The following DPP4 variants were observed in gnomAD, a reference collection of about 807,000 sequenced individuals.
The protein encoded by DPP4 is ADCP-2.
In DPP4, 93 loss-of-function variants were observed where a neutral mutation model predicts 122.4. The observed-to-expected ratio is 0.76, with a 90% CI of 0.64 to 0.90. The LOEUF is 0.90. Among genes scored for constraint, DPP4 ranks in the 40% least tolerant of loss-of-function variants. DPP4 has a pLI of 0.00. For missense variants in DPP4, 914 were observed against 907.3 expected (o/e 1.01, Z -0.09); for synonymous variants, 321 against 302.9 (o/e 1.06, Z -0.62).
At chr2:162,012,155 A>G (rs1031191656) in intron 19 of DPP4, among the ~76,000 whole-genome samples, 168 bp from the exon 20 acceptor site, 9 of 152,104 alleles carry the variant, frequency 5.9e-5, no homozygotes, top group Admixed American at 5.2e-4. Flanking sequence ...TAGCAACACA[A>G]CTACCATGGT....
intron 10 of DPP4, 98 bp from the exon 11 acceptor site, chr2:162,025,037 CAATCTT>C: frequency 7.5e-7 from 1 of 1,328,434 alleles, no homozygotes; most frequent in South Asian, 1.5e-5. Context: ...GAAAAGAAAT[CAATCTT>C]AATGGGAAGT....
intron 23 of DPP4, among the ~76,000 whole-genome samples, chr2:162,002,841 G>A (rs921470561): frequency 1.3e-5 from 2 of 151,982 alleles, no homozygotes; most frequent in African/African-American, 4.8e-5. Context: ...AACAAAGGAG[G>A]GCAGCTTTAT....
chr2:162,014,012 AAC>A (rs1200247825), intron 19 of DPP4, among the ~76,000 whole-genome samples: 5 of 152,168 alleles, frequency 3.3e-5, no homozygotes. Flanking sequence ...AAGGAAGAGA[AAC>A]ATGAGGCAGC....
chr2:162,052,445 T>C (rs1487386258), intron 2 of DPP4, among the ~76,000 whole-genome samples: 1 of 150,418 alleles, frequency 6.6e-6, no homozygotes, highest in Non-Finnish European at 1.5e-5. Flanking sequence ...TTCGATGGGG[T>C]GGGGCCTCAC....
intron 5 of DPP4, among the ~76,000 whole-genome samples, chr2:162,044,267 T>C (rs1156738121): frequency 6.6e-6 from 1 of 152,160 alleles, no homozygotes; most frequent in East Asian, 1.9e-4. Context: ...TAACAGAACA[T>C]AGAGTCTTCA....
intron 3 of DPP4, 130 bp downstream of exon 3, chr2:162,047,273 G>GAA: frequency 4.7e-5 from 22 of 469,984 alleles, no homozygotes; most frequent in Middle Eastern, 3.3e-4. Flanking sequence ...AGTAGAAAAA[G>GAA]AAAAAAAAAA....
At chr2:162,047,372 T>C in intron 3 of DPP4, 31 bp downstream of exon 3, 1 of 1,342,772 alleles carries the variant, frequency 7.4e-7, no homozygotes, top group Non-Finnish European at 1.0e-6. Flanking sequence ...AATGTAAGCA[T>C]AAAATCTGCC....
chr2:162,068,123 A>G (rs1380406550), intron 2 of DPP4, among the ~76,000 whole-genome samples: 1 of 152,232 alleles, frequency 6.6e-6, no homozygotes, highest in Non-Finnish European at 1.5e-5. Flanking sequence ...TACTACTAAT[A>G]CTAAAAATCG....
At chr2:162,033,730 CA>C (rs1353983744) in intron 9 of DPP4, 77 bp from the exon 10 acceptor site, 2 of 912,238 alleles carry the variant, frequency 2.2e-6, no homozygotes, top group African/African-American at 1.7e-5. Context: ...TAAAACTGCA[CA>C]AAAACGTCTG....
chr2:162,065,106 G>A (rs1018241147), intron 2 of DPP4, among the ~76,000 whole-genome samples: 1 of 152,234 alleles, frequency 6.6e-6, no homozygotes, highest in Non-Finnish European at 1.5e-5. Context: ...ACCTGAGAAA[G>A]GTGAGTCTTG....
intron 22 of DPP4, among the ~76,000 whole-genome samples, chr2:162,006,764 A>C (rs979988060): frequency 3.7e-4 from 56 of 152,158 alleles, no homozygotes; most frequent in African/African-American, 1.2e-3. Flanking sequence ...AACTTTAAAA[A>C]TCTGACATAA....
intron 2 of DPP4, among the ~76,000 whole-genome samples, chr2:162,052,819 T>A (rs570652578): frequency 1.3e-5 from 2 of 152,306 alleles, no homozygotes; most frequent in Admixed American, 1.3e-4. Context: ...GTGATCAGAA[T>A]GCTGGTAGAA....
In DPP4 at chr2:162,033,653, C is replaced by T. The variant is rs771762337; in HGVS notation, c.775G>A (p.Ala259Thr). ...PKTVRVPYPK[A>T]GAVNPTVKFF... ...TTTACAGTTGGATTCACAGCTCCTG[C>T]CTAGGAAAAAATAATCACAGAATTG... The change falls in exon 10 of 26, where the codon GCA (alanine) becomes ACA (threonine). Residue 259 changes from alanine to threonine, a missense_variant and splice_region_variant. Physicochemically the swap from Ala to Thr is moderately conservative, Grantham distance 58. Transcript: ENST00000360534. The T allele has an allele frequency of 2.6e-5, 42 of 1,597,000 alleles. No individual in the cohort carries two copies. The highest frequency in any genetic ancestry group is 3.5e-5 in the Non-Finnish European group (41 of 1,173,128).
At chr2:162,009,213 C>A (rs766942888) in intron 21 of DPP4, 28 bp downstream of exon 21, 1 of 1,607,234 alleles carries the variant, frequency 6.2e-7, no homozygotes, top group South Asian at 1.1e-5. Flanking sequence ...CTAACGAATG[C>A]ATACAGATTC....
At chr2:162,050,769 A>C (rs899172984) in intron 2 of DPP4, among the ~76,000 whole-genome samples, 5 of 152,326 alleles carry the variant, frequency 3.3e-5, no homozygotes, top group Admixed American at 6.5e-5. Flanking sequence ...CAAGAGTGCC[A>C]ACTCCAGGTT....
At chr2:162,011,244 G>A (rs1682698078) in intron 20 of DPP4, among the ~76,000 whole-genome samples, 1 of 152,110 alleles carries the variant, frequency 6.6e-6, no homozygotes, top group African/African-American at 2.4e-5. Flanking sequence ...AGAATGAGAT[G>A]TGGTTCATAC....
chr2:162,009,130 C>T, intron 21 of DPP4, 111 bp downstream of exon 21: 2 of 1,133,552 alleles, frequency 1.8e-6, no homozygotes, highest in Non-Finnish European at 1.3e-6. Context: ...AGACCTAAGA[C>T]TTGATAGATG....
intron 2 of DPP4, among the ~76,000 whole-genome samples, chr2:162,065,067 C>G (rs764036097): frequency 5.3e-5 from 8 of 152,172 alleles, no homozygotes; most frequent in Non-Finnish European, 8.8e-5. Context: ...CTTCTCCTTC[C>G]ATGTGCTAGC....
chr2:162,038,945 T>C lies in DPP4; in HGVS notation c.492+4A>G. Reference sequence around the variant, plus strand: ...TTTTCTGACAACTGGAGAGACTCACTAACCAATTTATGACCCACTGGTGAC... The same window carrying C: ...TTTTCTGACAACTGGAGAGACTCACCAACCAATTTATGACCCACTGGTGAC... On this transcript the variant is annotated splice_donor_region_variant and intron_variant, in intron 7 of 25. Coordinates refer to ENST00000360534, the MANE Select transcript of DPP4 (RefSeq NM_001935.4). The C allele has an allele frequency of 6.2e-7, 1 of 1,613,274 alleles. No individual in the cohort carries two copies.
Sources: allele counts gnomAD v4.1 joint callset (sites outside exome capture counted in the v4.1 genomes callset), GRCh38; gene constraint gnomAD v4.1.1; transcripts MANE v1.5; gene names NCBI Gene and HGNC (gene_info 2026-07-23, HGNC 2026-07-21).